PID1: variants seen among roughly 807,000 people sequenced by gnomAD.
PID1 encodes the protein PTB-containing, cubilin and LRP1-interacting protein.
PID1 carries 10 observed loss-of-function variants against 19.1 expected under a neutral mutation model. The ratio of observed to expected loss-of-function variants is 0.52; its 90% CI spans 0.32 to 0.89. The LOEUF (loss-of-function observed/expected upper bound fraction) is 0.89. Among genes scored for constraint, PID1 ranks in the 40% least tolerant of loss-of-function variants. The probability of loss-of-function intolerance (pLI) is 0.03; values close to 1 mark genes in which losing one functional copy is unlikely to be tolerated. For missense variants in PID1, 248 were observed against 285.3 expected (o/e 0.87, Z 0.94); for synonymous variants, 130 against 116.0 (o/e 1.12, Z -0.78).
At chr2:229,154,357 C>T (rs1350563210) in intron 2 of PID1, among the ~76,000 whole-genome samples, 1 of 152,148 alleles carries the variant, frequency 6.6e-6, no homozygotes, top group Non-Finnish European at 1.5e-5. Flanking sequence ...CAAGACCACC[C>T]ACCTCATAGA....
chr2:229,249,246 CA>C (rs10713305), intron 1 of PID1, among the ~76,000 whole-genome samples: 21,646 of 152,068 alleles, frequency 0.14, 1,746 homozygotes, highest in South Asian at 0.18. Context: ...GAACACATTT[CA>C]AAAAAGTTTA....
intron 2 of PID1, among the ~76,000 whole-genome samples, chr2:229,139,041 GAAAGAAAGAA>G (rs1574659268): frequency 5.9e-5 from 3 of 51,074 alleles, no homozygotes; most frequent in Non-Finnish European, 1.3e-4. Flanking sequence ...GAAAGAAAGA[GAAAGAAAGAA>G]AGAAAGAGAA....
At chr2:229,063,882 CTTCT>C (rs1282182416) in intron 2 of PID1, among the ~76,000 whole-genome samples, 1 of 151,778 alleles carries the variant, frequency 6.6e-6, no homozygotes, top group Non-Finnish European at 1.5e-5. Context: ...ATATAATAAC[CTTCT>C]TTGTCTCTTT....
intron 1 of PID1, among the ~76,000 whole-genome samples, chr2:229,185,679 C>T (rs1363410089): frequency 6.6e-6 from 1 of 152,124 alleles, no homozygotes; most frequent in African/African-American, 2.4e-5. Context: ...ATGAGACTTA[C>T]TCACTATCAC....
intron 1 of PID1, among the ~76,000 whole-genome samples, chr2:229,233,119 T>A (rs1692250324): frequency 6.6e-6 from 1 of 152,112 alleles, no homozygotes; most frequent in African/African-American, 2.4e-5. Flanking sequence ...TTTTCATAAA[T>A]CACATAAATT....
chr2:229,133,594 C>T (rs1689789630), intron 2 of PID1, among the ~76,000 whole-genome samples: 1 of 152,138 alleles, frequency 6.6e-6, no homozygotes, highest in African/African-American at 2.4e-5. Flanking sequence ...ATAATTAGGT[C>T]AGCATATTGT....
At chr2:229,029,318 CAAA>C (rs200650395) in intron 2 of PID1, among the ~76,000 whole-genome samples, 1 of 107,778 alleles carries the variant, frequency 9.3e-6, no homozygotes, top group Non-Finnish European at 2.0e-5. Context: ...TTTTTGAAGC[CAAA>C]AAAAAAAAAA....
chr2:229,235,798 A>T (rs1448663074), intron 1 of PID1, among the ~76,000 whole-genome samples: 4 of 152,176 alleles, frequency 2.6e-5, no homozygotes, highest in Non-Finnish European at 5.9e-5. Flanking sequence ...GTCTGAAGCA[A>T]GAAGAAACGC....
chr2:229,045,022 C>T (rs1395405107), intron 2 of PID1, among the ~76,000 whole-genome samples: 1 of 152,022 alleles, frequency 6.6e-6, no homozygotes, highest in South Asian at 2.1e-4. Context: ...GGTACAATCT[C>T]CGTTCACTGC....
intron 1 of PID1, among the ~76,000 whole-genome samples, chr2:229,239,227 T>C (rs1207526742): frequency 6.6e-6 from 1 of 152,078 alleles, no homozygotes; most frequent in Non-Finnish European, 1.5e-5. Context: ...GGCCAAGAAT[T>C]TGCATTTATT....
chr2:229,035,115 T>C (rs1693634749), intron 2 of PID1, among the ~76,000 whole-genome samples: 1 of 152,338 alleles, frequency 6.6e-6, no homozygotes, highest in South Asian at 2.1e-4. Flanking sequence ...TGGTGCCCAC[T>C]CTTAGGTCAA....
intron 2 of PID1, among the ~76,000 whole-genome samples, chr2:229,147,748 C>T (rs929146116): frequency 2.0e-5 from 3 of 151,934 alleles, no homozygotes; most frequent in Non-Finnish European, 4.4e-5. Flanking sequence ...TTTGCTGATC[C>T]CCCAGGAGTT....
At chr2:229,046,850 G>A (rs724395) in intron 2 of PID1, among the ~76,000 whole-genome samples, 79,629 of 151,976 alleles carry the variant, frequency 0.52, 21,655 homozygotes, top group East Asian at 0.67. Context: ...TCAATGTTCT[G>A]CAATCCAACG....
At chr2:229,131,605 A>C (rs1689742876) in intron 2 of PID1, among the ~76,000 whole-genome samples, 1 of 152,204 alleles carries the variant, frequency 6.6e-6, no homozygotes, top group Non-Finnish European at 1.5e-5. Context: ...ATTTTGGCTA[A>C]AGTTTAGAAG....
intron 1 of PID1, chr2:229,228,033 G>C: frequency 2.2e-6 from 1 of 455,994 alleles, no homozygotes; most frequent in South Asian, 1.5e-5. Context: ...TGAGGGACAA[G>C]TGTATTGTGA....
chr2:229,215,540 C>T (rs1359266711), intron 1 of PID1, among the ~76,000 whole-genome samples: 2 of 152,220 alleles, frequency 1.3e-5, no homozygotes, highest in African/African-American at 2.4e-5. Flanking sequence ...CACAATTCCC[C>T]TTGACCATAA....
At chr2:229,160,139 T>C (rs567123306) in intron 1 of PID1, among the ~76,000 whole-genome samples, 141 of 152,304 alleles carry the variant, frequency 9.3e-4, no homozygotes, top group Non-Finnish European at 1.5e-3. Flanking sequence ...ACACAGCAAT[T>C]TTCTGAAGAG....
intron 2 of PID1, among the ~76,000 whole-genome samples, chr2:229,131,148 G>A (rs1001908661): frequency 3.3e-5 from 5 of 152,094 alleles, no homozygotes; most frequent in African/African-American, 1.2e-4. Flanking sequence ...GAGGGGTCAC[G>A]ATACAGCCTA....
At chr2:229,133,877 C>T (rs1462923976) in intron 2 of PID1, among the ~76,000 whole-genome samples, 1 of 151,868 alleles carries the variant, frequency 6.6e-6, no homozygotes, top group Non-Finnish European at 1.5e-5. Flanking sequence ...TGGTGTGTTG[C>T]ACCCACTAAC....
Sources: allele counts gnomAD v4.1 joint callset (sites outside exome capture counted in the v4.1 genomes callset), GRCh38; gene constraint gnomAD v4.1.1; transcripts MANE v1.5; gene names NCBI Gene and HGNC (gene_info 2026-07-23, HGNC 2026-07-21).